Variants in MAGI2 observed in about 807,000 individuals in gnomAD.
The protein encoded by MAGI2 is membrane associated guanylate kinase, WW and PDZ domain containing 2, also known as membrane-associated guanylate kinase, WW and PDZ domain-containing protein 2.
Under a neutral mutation model 133.3 loss-of-function variants are expected in MAGI2, and 35 were observed. The observed-to-expected ratio is 0.26, with a 90% CI of 0.20 to 0.35. The LOEUF is 0.35. Ranked by LOEUF, MAGI2 falls within the 10% of genes least tolerant of loss-of-function variation. The probability of loss-of-function intolerance (pLI) is 1.00; values close to 1 mark genes in which losing one functional copy is unlikely to be tolerated. For missense variants in MAGI2, 1,636 were observed against 1,863.4 expected (o/e 0.88, Z 2.25); for synonymous variants, 729 against 710.6 (o/e 1.03, Z -0.41).
intron 16 of MAGI2, among the ~76,000 whole-genome samples, chr7:78,153,903 C>G (rs1259481882): frequency 6.6e-6 from 1 of 152,176 alleles, no homozygotes; most frequent in Non-Finnish European, 1.5e-5. Context: ...CTGGAGTGAG[C>G]CTTGGGCTCA....
intron 6 of MAGI2, among the ~76,000 whole-genome samples, chr7:78,420,940 C>T (rs952232419): frequency 2.6e-5 from 4 of 152,252 alleles, no homozygotes; most frequent in Admixed American, 2.0e-4. Flanking sequence ...GTTCGAGTTG[C>T]ACAGGTCAGA....
chr7:78,102,953 T>A (rs941239003), intron 20 of MAGI2, among the ~76,000 whole-genome samples: 3 of 152,176 alleles, frequency 2.0e-5, no homozygotes, highest in Non-Finnish European at 4.4e-5. Context: ...GAGGATTATC[T>A]ATAATCTTTT....
chr7:78,835,677 T>C (rs1041230601), intron 2 of MAGI2, among the ~76,000 whole-genome samples: 1 of 152,176 alleles, frequency 6.6e-6, no homozygotes, highest in Non-Finnish European at 1.5e-5. Context: ...GTTTGCTGTA[T>C]CATTCCTCAC....
chr7:78,151,243 A>G (rs1454727312), intron 16 of MAGI2, among the ~76,000 whole-genome samples: 3 of 152,136 alleles, frequency 2.0e-5, no homozygotes, highest in Non-Finnish European at 4.4e-5. Flanking sequence ...GTACAATCCT[A>G]TAAAGGAGTA....
intron 2 of MAGI2, among the ~76,000 whole-genome samples, chr7:78,665,559 A>G (rs1813464751): frequency 6.6e-6 from 1 of 152,152 alleles, no homozygotes; most frequent in Non-Finnish European, 1.5e-5. Context: ...TTCTGGACAT[A>G]TATTAGAAGG....
At chr7:78,114,902 C>G (rs1563139851) in intron 20 of MAGI2, among the ~76,000 whole-genome samples, 2 of 152,152 alleles carry the variant, frequency 1.3e-5, no homozygotes, top group Admixed American at 6.5e-5. Flanking sequence ...CTCTGGGGTT[C>G]CTCTGTGGAC....
At chr7:79,148,818 C>CATAT (rs1172894431) in intron 1 of MAGI2, among the ~76,000 whole-genome samples, 2 of 147,738 alleles carry the variant, frequency 1.4e-5, no homozygotes, top group Admixed American at 6.8e-5. Context: ...GGTGGTTATC[C>CATAT]ATATATATAT....
At chr7:79,191,372 TTTC>T (rs1214623098) in intron 1 of MAGI2, among the ~76,000 whole-genome samples, 1 of 149,242 alleles carries the variant, frequency 6.7e-6, no homozygotes, top group Non-Finnish European at 1.5e-5. Flanking sequence ...TTCCTGAGCA[TTTC>T]TTCTTTTTTT....
At chr7:79,448,679 G>C (rs1486401661) in intron 1 of MAGI2, among the ~76,000 whole-genome samples, 1 of 151,830 alleles carries the variant, frequency 6.6e-6, no homozygotes, top group Non-Finnish European at 1.5e-5. Flanking sequence ...ATTCTGCCAG[G>C]GTCTGTATGT....
chr7:78,059,329 A>G (rs2151130815), intron 21 of MAGI2, among the ~76,000 whole-genome samples: 1 of 152,320 alleles, frequency 6.6e-6, no homozygotes, highest in African/African-American at 2.4e-5. Flanking sequence ...AATGTTTGCC[A>G]CCACCCATAA....
At chr7:78,282,948 T>C (rs1795774578) in intron 9 of MAGI2, among the ~76,000 whole-genome samples, 1 of 152,094 alleles carries the variant, frequency 6.6e-6, no homozygotes, top group Non-Finnish European at 1.5e-5. Context: ...AAAGTAAATA[T>C]CTATGGAAAT....
At chr7:79,407,759 C>T (rs1266522271) in intron 1 of MAGI2, among the ~76,000 whole-genome samples, 1 of 151,260 alleles carries the variant, frequency 6.6e-6, no homozygotes, top group Non-Finnish European at 1.5e-5. Flanking sequence ...ACCTAAAATC[C>T]AAACATATTT....
At chr7:78,623,655 T>C (rs1256366820) in intron 3 of MAGI2, among the ~76,000 whole-genome samples, 1 of 152,152 alleles carries the variant, frequency 6.6e-6, no homozygotes, top group East Asian at 1.9e-4. Flanking sequence ...AGCCGCAATT[T>C]AGGCAAATGT....
At chr7:78,779,295 C>T (rs111456977) in intron 2 of MAGI2, among the ~76,000 whole-genome samples, 39 of 152,252 alleles carry the variant, frequency 2.6e-4, no homozygotes, top group African/African-American at 8.4e-4. Context: ...ACCTGATCTG[C>T]CCACATCTCC....
intron 2 of MAGI2, among the ~76,000 whole-genome samples, chr7:78,903,827 GCTAA>G (rs1797803765): frequency 6.6e-6 from 1 of 152,064 alleles, no homozygotes; most frequent in Non-Finnish European, 1.5e-5. Flanking sequence ...GATATTTATG[GCTAA>G]CTACTAAGTA....
At chr7:79,008,578 T>C (rs1807713678) in intron 1 of MAGI2, among the ~76,000 whole-genome samples, 1 of 152,174 alleles carries the variant, frequency 6.6e-6, no homozygotes, top group African/African-American at 2.4e-5. Context: ...CAATATAATA[T>C]GATAGTGGAA....
intron 2 of MAGI2, among the ~76,000 whole-genome samples, chr7:78,856,558 T>C (rs553814397): frequency 2.3e-4 from 35 of 152,210 alleles, no homozygotes; most frequent in Admixed American, 3.9e-4. Context: ...TATCAGATGG[T>C]TGTAGATGTG....
In MAGI2 at chr7:78,019,653, C is replaced by T; in HGVS notation, c.4030G>A (p.Ala1344Thr). 1 of 1,160,436 alleles carries T rather than the reference C, an allele frequency of 8.6e-7. No individual in the cohort carries two copies. Among genetic ancestry groups the T allele is most frequent in the Non-Finnish European group, 1.1e-6 (1 of 945,768 alleles). 71.9% of individuals were successfully genotyped at this position (1,160,436 alleles called of 1,614,324 possible). The change falls in exon 22 of 22, where the codon GCC (alanine) becomes ACC (threonine). Residue 1344 changes from alanine (A) to threonine (T), a missense_variant. Coordinates refer to ENST00000354212, the MANE Select transcript of MAGI2 (RefSeq NM_012301.4). ...AGCCCGGGCGCCCTGGCCTCCGAGG[C>T]GGGCCTGCCGGCCTCGGGCCGCCCC... is the stretch of plus-strand genomic sequence containing the variant. ...GQGRPEAGRP[A>T]SEARAPGLAA...
rs397804842 is a variant in MAGI2, at chr7:78,550,769, T to TA, written c.539-29125dup. Among the ~76,000 whole-genome samples the TA allele has an allele frequency of 2.1e-4, 32 of 151,972 alleles. 1 individual carries two copies. The highest frequency in any genetic ancestry group is 5.9e-5 in the Non-Finnish European group (4 of 67,984). ...ATCCTCTGAACAGTTTTTTTTTTTT[T>TA]AACTCATGAACATTGTGACTCTTAT... is the stretch of plus-strand genomic sequence containing the variant. On this transcript the variant is annotated intron_variant, in intron 3 of 21. Transcript: ENST00000354212.
Sources: gnomAD v4.1 joint callset for allele counts (sites outside exome capture counted in the v4.1 genomes callset) on GRCh38, gnomAD v4.1.1 for gene constraint, MANE v1.5 for transcripts, NCBI Gene and HGNC (gene_info 2026-07-23, HGNC 2026-07-21) for gene names.